The following ASMTL variants were observed in gnomAD, a reference collection of about 807,000 sequenced individuals.
ASMTL encodes probable bifunctional dTTP/UTP pyrophosphatase/methyltransferase protein.
ASMTL carries 57 observed loss-of-function variants against 60.3 expected under a neutral mutation model. The observed-to-expected ratio is 0.95, with a 90% confidence interval of 0.76 to 1.18. The LOEUF (loss-of-function observed/expected upper bound fraction) is 1.18. Among genes scored for constraint, ASMTL ranks in the 50% most tolerant of loss-of-function variants. The probability of loss-of-function intolerance (pLI) is 0.00; values close to 1 mark genes in which losing one functional copy is unlikely to be tolerated. For synonymous variants in ASMTL, 419 were observed against 373.0 expected, an observed-to-expected ratio of 1.12 and a Z score of -1.42; for missense variants, 981 against 852.6, an observed-to-expected ratio of 1.15 and a Z score of -1.88.
intron 6 of ASMTL, among the ~76,000 whole-genome samples, chrX:1,429,754 G>A (rs1488544130): frequency 2.0e-5 from 3 of 151,800 alleles, no homozygotes; most frequent in Admixed American, 1.3e-4. Context: ...CCAAGATCGC[G>A]CCACTGCACT....
chrX:1,440,074 T>C (rs1311039412), intron 2 of ASMTL, among the ~76,000 whole-genome samples: 3 of 149,132 alleles, frequency 2.0e-5, no homozygotes, highest in African/African-American at 5.0e-5. Flanking sequence ...TTACCTCTAA[T>C]GTATTTCTTT....
chrX:1,424,093 T>C (rs1227262131), intron 8 of ASMTL, among the ~76,000 whole-genome samples: 2 of 140,848 alleles, frequency 1.4e-5, no homozygotes, highest in Non-Finnish European at 3.1e-5. Context: ...CACTGATCCA[T>C]CCACCCATGC....
In ASMTL at chrX:1,450,213, C is replaced by A. The variant is rs181115783; in HGVS notation, c.93+2535G>T. Among the ~76,000 whole-genome samples, 8 of 152,062 alleles carry A rather than the reference C, an allele frequency of 5.3e-5. No individual in the cohort carries two copies. The East Asian group carries it at 1.5e-3, about 29-fold the overall frequency. Reference sequence around the variant, plus strand: ...AGTAACTATCCCTTCATCACTAGACCGTCTCCTCCATGTGATTAGGGCTCC... The same window carrying A: ...AGTAACTATCCCTTCATCACTAGACAGTCTCCTCCATGTGATTAGGGCTCC... On this transcript the variant is annotated intron_variant, in intron 1 of 12. Coordinates refer to ENST00000381317, the MANE Select transcript of ASMTL (RefSeq NM_004192.4).
intron 12 of ASMTL, among the ~76,000 whole-genome samples, chrX:1,406,379 G>T (rs1183441940): frequency 6.7e-6 from 1 of 150,116 alleles, no homozygotes; most frequent in Non-Finnish European, 1.5e-5. Context: ...GATGGTAGAT[G>T]ATGGGTAGGT....
intron 2 of ASMTL, chrX:1,441,916 A>G: frequency 2.2e-6 from 1 of 452,122 alleles, no homozygotes. Context: ...GATAAGCTAC[A>G]TTAATTGTAT....
At position 1,442,300 on chromosome X, in the gene ASMTL, C is replaced by A; in HGVS notation, c.111G>T (p.Val37=). The change falls in exon 2 of 13, where the codon GTG becomes GTT. Residue 37 remains valine (V), a synonymous_variant. Transcript: ENST00000381317. The part of the protein sequence containing the change: ...ILSNAGLRFE[V]VPSKFKEKLD... ...GCTTCTCTTTAAACTTGGAGGGGACCACCTCAAACCTGAGACCCTGCAACA... is the reference window on the plus strand; with the variant it reads ...GCTTCTCTTTAAACTTGGAGGGGACAACCTCAAACCTGAGACCCTGCAACA... The A allele has an allele frequency of 6.2e-7, 1 of 1,613,828 alleles. No homozygotes were observed.
rs1286882812 is a variant in ASMTL, at chrX:1,416,041, A to G, written c.1522+1932T>C. ...CACACACACGGACACAGATACAGTG[A>G]CAGGCACACGCGCACAGAGACAGAC... is the stretch of plus-strand genomic sequence containing the variant. On this transcript the variant is annotated intron_variant, in intron 11 of 12. Coordinates refer to ENST00000381317, the MANE Select transcript of ASMTL (RefSeq NM_004192.4). Among the ~76,000 whole-genome samples, 5 of 17,434 alleles carry G rather than the reference A, an allele frequency of 2.9e-4. No individual in the cohort carries two copies. The Non-Finnish European group carries it at 2.9e-3, about 10-fold the overall frequency. The allele number at this position is 17,434 out of a possible 152,430, so 11.4% of individuals were successfully genotyped here.
At chrX:1,446,495 A>T (rs2149347422) in intron 1 of ASMTL, among the ~76,000 whole-genome samples, 1 of 124,328 alleles carries the variant, frequency 8.0e-6, no homozygotes, top group South Asian at 2.6e-4. Context: ...CCTACATCTC[A>T]TGACATTTTT....
At chrX:1,428,737 T>C (rs1447405455) in intron 6 of ASMTL, among the ~76,000 whole-genome samples, 1 of 148,522 alleles carries the variant, frequency 6.7e-6, no homozygotes. Flanking sequence ...AAGCCAATTA[T>C]CCCATTCAGC....
At chrX:1,448,266 C>G (rs1369671478) in intron 1 of ASMTL, among the ~76,000 whole-genome samples, 5 of 149,176 alleles carry the variant, frequency 3.4e-5, no homozygotes, top group Admixed American at 1.3e-4. Flanking sequence ...CCATCTTGGA[C>G]ACACAACATC....
Position 1,439,249 on chromosome X carries a change from G to C in ASMTL, c.226-105C>G, listed in dbSNP as rs1265738320. ...AAAGAGCACCGCAGGGGCGAAGCCAGGCCGACTTTGGAAGTGAAGGCTGGG... is the reference window on the plus strand; with the variant it reads ...AAAGAGCACCGCAGGGGCGAAGCCACGCCGACTTTGGAAGTGAAGGCTGGG... On this transcript the variant is annotated intron_variant, in intron 2 of 12. Coordinates refer to ENST00000381317, the MANE Select transcript of ASMTL (RefSeq NM_004192.4). 9 of 1,202,988 alleles carry C rather than the reference G, an allele frequency of 7.5e-6. No homozygotes were observed. The African/African-American group carries it at 1.4e-4, about 18-fold the overall frequency. The allele number at this position is 1,202,988 out of a possible 1,614,324, so 74.5% of individuals were successfully genotyped here.
chrX:1,416,542 GAC>G (rs1192628427), intron 11 of ASMTL, among the ~76,000 whole-genome samples: 2 of 85,296 alleles, frequency 2.3e-5, no homozygotes, highest in Non-Finnish European at 5.9e-5. Context: ...CACACGCACG[GAC>G]ACACAGAGAT....
At chrX:1,427,678 A>G (rs2090646812) in intron 7 of ASMTL, 56 bp downstream of exon 7, 29 of 1,527,680 alleles carry the variant, frequency 1.9e-5, no homozygotes, top group Non-Finnish European at 2.6e-5. Flanking sequence ...CTTTGATTTA[A>G]GCCGAGTGTG....
At chrX:1,446,104 G>C (rs1308105941) in intron 1 of ASMTL, among the ~76,000 whole-genome samples, 6 of 152,190 alleles carry the variant, frequency 3.9e-5, no homozygotes, top group Non-Finnish European at 7.3e-5. Context: ...TCTGCCTTTA[G>C]TTAGCAGGAG....
intron 9 of ASMTL, among the ~76,000 whole-genome samples, chrX:1,419,942 GTCTGTC>G (rs747970169): frequency 1.3e-5 from 2 of 152,028 alleles, no homozygotes; most frequent in Non-Finnish European, 2.9e-5. Context: ...GTCTCTGTCT[GTCTGTC>G]TCTGTCTCCG....
chrX:1,452,936 G>A (rs758155482), upstream of ASMTL: 15 of 978,732 alleles, frequency 1.5e-5, no homozygotes, highest in Middle Eastern at 3.2e-4. Flanking sequence ...CCAGAGTCCC[G>A]CCTCCGCGAG....
At chrX:1,417,578 ACACC>A (rs1234621829) in intron 11 of ASMTL, among the ~76,000 whole-genome samples, 1 of 141,810 alleles carries the variant, frequency 7.1e-6, no homozygotes, top group Non-Finnish European at 1.5e-5. Context: ...ATGCACACAG[ACACC>A]CACCGGCTCA....
At chrX:1,410,837 C>T (rs5948996) in intron 12 of ASMTL, among the ~76,000 whole-genome samples, 130,963 of 151,340 alleles carry the variant, frequency 0.87, 56,834 homozygotes, top group Middle Eastern at 0.97. Flanking sequence ...CTGCAGTGAC[C>T]TGTGACTGCT....
intron 3 of ASMTL, among the ~76,000 whole-genome samples, chrX:1,437,139 A>G (rs1327325525): frequency 6.6e-6 from 1 of 150,770 alleles, no homozygotes; most frequent in African/African-American, 2.4e-5. Context: ...CTTATAAACA[A>G]CAGGCAGTGA....
Sources: allele counts gnomAD v4.1 joint callset (sites outside exome capture counted in the v4.1 genomes callset), GRCh38; gene constraint gnomAD v4.1.1; transcripts MANE v1.5; gene names NCBI Gene and HGNC (gene_info 2026-07-23, HGNC 2026-07-21).